TCF12: variants seen among roughly 807,000 people sequenced by gnomAD.
TCF12 encodes the protein DNA-binding protein HTF4.
TCF12 carries 45 observed loss-of-function variants against 86.0 expected under a neutral mutation model. That is an observed-to-expected ratio of 0.52 (90% CI 0.41 to 0.67). The LOEUF is 0.67. Ranked by LOEUF, TCF12 falls within the 30% of genes least tolerant of loss-of-function variation. The pLI is 0.00. For synonymous variants in TCF12, 330 were observed against 299.6 expected (o/e 1.10, Z -1.05); for missense variants, 881 against 859.9 (o/e 1.02, Z -0.31).
intron 4 of TCF12, among the ~76,000 whole-genome samples, chr15:57,078,312 A>G (rs2070315166): frequency 6.6e-6 from 1 of 152,130 alleles, no homozygotes; most frequent in Non-Finnish European, 1.5e-5. Flanking sequence ...TTTGTACCTC[A>G]TTTAAATTTT....
intron 8 of TCF12, among the ~76,000 whole-genome samples, chr15:57,221,411 T>TGTGC (rs767502002): frequency 2.0e-5 from 3 of 147,346 alleles, no homozygotes; most frequent in African/African-American, 7.4e-5. Context: ...TGTGTGTGTG[T>TGTGC]GCACGTGTAT....
chr15:57,159,330 G>C (rs570662744), intron 5 of TCF12, among the ~76,000 whole-genome samples: 138 of 152,292 alleles, frequency 9.1e-4, no homozygotes, highest in African/African-American at 3.2e-3. Flanking sequence ...TGCCCACTTT[G>C]TAAGTTAGCA....
chr15:57,207,011 T>C (rs955911230), intron 8 of TCF12, among the ~76,000 whole-genome samples: 2 of 149,564 alleles, frequency 1.3e-5, no homozygotes, highest in African/African-American at 4.9e-5. Flanking sequence ...GAGGCTAAGG[T>C]TGGAGGGATG....
chr15:57,082,062 A>G (rs2048350315), intron 4 of TCF12, among the ~76,000 whole-genome samples: 1 of 152,212 alleles, frequency 6.6e-6, no homozygotes, highest in African/African-American at 2.4e-5. Flanking sequence ...TTGTTTCACT[A>G]TTATACTTTT....
intron 5 of TCF12, among the ~76,000 whole-genome samples, chr15:57,112,100 C>G (rs115663586): frequency 6.6e-6 from 1 of 152,114 alleles, no homozygotes; most frequent in East Asian, 1.9e-4. Context: ...GCCCCTCATC[C>G]GTCTTAAGAA....
chr15:57,197,452 C>A (rs2057329420), intron 7 of TCF12, among the ~76,000 whole-genome samples: 1 of 152,192 alleles, frequency 6.6e-6, no homozygotes, highest in South Asian at 2.1e-4. Flanking sequence ...GCCACCACAT[C>A]CGGCCGAACA....
chr15:57,019,974 TC>T (rs1426671988), intron 3 of TCF12, among the ~76,000 whole-genome samples: 1 of 152,146 alleles, frequency 6.6e-6, no homozygotes, highest in Non-Finnish European at 1.5e-5. Context: ...ACTGCATTTC[TC>T]CCATGGTTAA....
chr15:57,123,884 C>T lies in TCF12; in HGVS notation c.325+31993C>T, dbSNP rs551894277. Among the ~76,000 whole-genome samples, 688 of 150,034 alleles carry T rather than the reference C, an allele frequency of 4.6e-3. 5 individuals carry two copies. The highest frequency in any genetic ancestry group is 0.016 in the African/African-American group (662 of 40,888). Reference sequence around the variant, plus strand: ...CTGAAGCAGGAGAATGGCGTGAACCCGGGTGAACCCGGGAGTCAGAGCTTG... The same window carrying T: ...CTGAAGCAGGAGAATGGCGTGAACCTGGGTGAACCCGGGAGTCAGAGCTTG... On this transcript the variant is annotated intron_variant, in intron 5 of 20. Coordinates refer to ENST00000333725, the MANE Select transcript of TCF12 (RefSeq NM_207037.2).
intron 3 of TCF12, among the ~76,000 whole-genome samples, chr15:56,945,571 T>C (rs931754289): frequency 6.6e-6 from 1 of 152,130 alleles, no homozygotes; most frequent in Admixed American, 6.5e-5. Flanking sequence ...ATAGTGTCTT[T>C]CCATTGTATT....
chr15:57,197,894 A>T, intron 8 of TCF12, 69 bp downstream of exon 8: 1 of 1,505,380 alleles, frequency 6.6e-7, no homozygotes, highest in Non-Finnish European at 9.2e-7. Context: ...TTACCTTGCT[A>T]CAAGGGTACA....
At chr15:57,144,219 G>A (rs1156363329) in intron 5 of TCF12, among the ~76,000 whole-genome samples, 1 of 152,148 alleles carries the variant, frequency 6.6e-6, no homozygotes, top group Non-Finnish European at 1.5e-5. Flanking sequence ...TCATCCACAG[G>A]AATCTAAACT....
At position 56,919,748 on chromosome 15, in the gene TCF12, G is replaced by T. The variant is rs1240761340; in HGVS notation, c.-22-144G>T. 1.6e-5 allele frequency: 10 copies of T among 638,056 alleles called. No homozygotes were observed. In the East Asian group the frequency reaches 2.8e-4, roughly 18 times the overall value. 39.5% of individuals were successfully genotyped at this position (638,056 alleles called of 1,614,324 possible). A position where few individuals can be genotyped will look rare whatever the true frequency, so the allele number is the denominator to read the frequency against. On this transcript the variant is annotated intron_variant, in intron 1 of 20. Coordinates refer to ENST00000333725, the MANE Select transcript of TCF12 (RefSeq NM_207037.2). ...CTGAGCCCTCCCGCCCCTTGCTCGC[G>T]CCGCGGTGGGAGCGAGTCGGGGTCC...
At chr15:56,939,245 T>G (rs2060619883) in intron 3 of TCF12, among the ~76,000 whole-genome samples, 1 of 152,138 alleles carries the variant, frequency 6.6e-6, no homozygotes, top group Non-Finnish European at 1.5e-5. Context: ...ATTACAAATG[T>G]AGCATTCACT....
intron 4 of TCF12, among the ~76,000 whole-genome samples, chr15:57,080,284 C>T (rs1027137055): frequency 1.3e-5 from 2 of 152,134 alleles, no homozygotes; most frequent in Non-Finnish European, 2.9e-5. Flanking sequence ...AAGGGAGTTC[C>T]AGCATTTCAG....
At chr15:57,005,942 G>T (rs1374657508) in intron 3 of TCF12, among the ~76,000 whole-genome samples, 3 of 152,168 alleles carry the variant, frequency 2.0e-5, no homozygotes, top group African/African-American at 7.2e-5. Context: ...CTGCCCTTCA[G>T]TGGATTCTTA....
intron 12 of TCF12, among the ~76,000 whole-genome samples, chr15:57,240,394 G>A (rs1381101452): frequency 6.6e-6 from 1 of 152,184 alleles, no homozygotes; most frequent in Non-Finnish European, 1.5e-5. Context: ...TGCTTCATGA[G>A]TTGGGCTAGT....
chr15:57,252,965 A>T, intron 15 of TCF12, among the ~76,000 whole-genome samples: 1 of 148,758 alleles, frequency 6.7e-6, no homozygotes. Context: ...TCTTATTGAG[A>T]AATGACATAG....
intron 3 of TCF12, among the ~76,000 whole-genome samples, chr15:57,063,132 C>T (rs2068589847): frequency 6.6e-6 from 1 of 152,158 alleles, no homozygotes; most frequent in Admixed American, 6.5e-5. Context: ...AGTGGAACTG[C>T]TTATTTGAAA....
chr15:56,965,010 C>T (rs1013498796), intron 3 of TCF12, among the ~76,000 whole-genome samples: 5 of 152,026 alleles, frequency 3.3e-5, no homozygotes, highest in Non-Finnish European at 7.4e-5. Context: ...ACTGAAGAAT[C>T]CAGAAAATGA....
Sources: allele counts gnomAD v4.1 joint callset (sites outside exome capture counted in the v4.1 genomes callset), GRCh38; gene constraint gnomAD v4.1.1; transcripts MANE v1.5; gene names NCBI Gene and HGNC (gene_info 2026-07-23, HGNC 2026-07-21).